USP32: variants seen among roughly 807,000 people sequenced by gnomAD.
USP32 encodes ubiquitin specific peptidase 32.
In USP32, 59 loss-of-function variants were observed where a neutral mutation model predicts 204.8. That is an observed-to-expected ratio of 0.29 (90% confidence interval 0.23 to 0.36). USP32 has a LOEUF of 0.36. Among genes scored for constraint, USP32 ranks in the 10% least tolerant of loss-of-function variants. The pLI is 1.00. For missense variants in USP32, 1,160 were observed against 1,946.4 expected, an observed-to-expected ratio of 0.60 and a Z score of 7.60; for synonymous variants, 517 against 678.4, an observed-to-expected ratio of 0.76 and a Z score of 3.70.
chr17:60,223,690 A>G (rs2085313980), intron 13 of USP32, 104 bp from the exon 14 acceptor site: 1 of 930,796 alleles, frequency 1.1e-6, no homozygotes, highest in Admixed American at 3.3e-5. Context: ...CTCTGTTGAC[A>G]TGTCAGTACA....
intron 4 of USP32, among the ~76,000 whole-genome samples, chr17:60,292,451 ACCT>A (rs1257586227): frequency 6.6e-6 from 1 of 151,996 alleles, no homozygotes; most frequent in Non-Finnish European, 1.5e-5. Context: ...CAACCCCCTA[ACCT>A]GCTTCTCCAT....
rs567726508 is a variant in USP32, at chr17:60,287,336, G to C, written c.571+1187C>G. 6.6e-5 allele frequency among the ~76,000 whole-genome samples: 10 copies of C among 152,218 alleles called. No homozygotes were observed. The South Asian group carries it at 2.1e-3, about 32-fold the overall frequency. ...ACCTACTTGTAAGCTCCCCTTTCAA[G>C]ATATCTGGCCCTTTTAGGCCAAAAC... is the stretch of plus-strand genomic sequence containing the variant. On this transcript the variant is annotated intron_variant, in intron 5 of 33. Transcript: ENST00000300896.
chr17:60,190,448 A>G lies in USP32; in HGVS notation c.3642+115T>C, dbSNP rs945002740. The G allele has an allele frequency of 5.0e-6, 7 of 1,387,834 alleles. No individual in the cohort carries two copies. In the African/African-American group the frequency reaches 7.5e-5, roughly 15 times the overall value. 86.0% of individuals were successfully genotyped at this position (1,387,834 alleles called of 1,614,324 possible). A position where few individuals can be genotyped will look rare whatever the true frequency, so the allele number is the denominator to read the frequency against. On this transcript the variant is annotated intron_variant, in intron 29 of 33. Transcript: ENST00000300896. ...ATATTAGGTGCCATAGAGGATGCCAATGAAGGTTTTTCTGGTTGTTTTTAA... is the reference window on the plus strand; with the variant it reads ...ATATTAGGTGCCATAGAGGATGCCAGTGAAGGTTTTTCTGGTTGTTTTTAA...
intron 1 of USP32, among the ~76,000 whole-genome samples, chr17:60,419,845 ATTAT>A (rs2090094431): frequency 7.0e-6 from 1 of 143,498 alleles, no homozygotes; most frequent in African/African-American, 2.5e-5. Context: ...TATTATTATT[ATTAT>A]TATTATTATT....
chr17:60,221,049 AC>A (rs910743119), intron 15 of USP32, among the ~76,000 whole-genome samples: 2 of 152,170 alleles, frequency 1.3e-5, no homozygotes, highest in African/African-American at 4.8e-5. Context: ...ATCTTCTGCA[AC>A]AGAACTTTTT....
intron 3 of USP32, among the ~76,000 whole-genome samples, chr17:60,296,821 T>C (rs1198012703): frequency 6.6e-6 from 1 of 151,914 alleles, no homozygotes. Context: ...ACATAAAAAC[T>C]AAAAAAGAAA....
chr17:60,329,840 C>T (rs1445366054), intron 2 of USP32, among the ~76,000 whole-genome samples: 2 of 152,154 alleles, frequency 1.3e-5, no homozygotes, highest in Non-Finnish European at 2.9e-5. Flanking sequence ...CCAACTCCTG[C>T]GACTCAGTCT....
intron 4 of USP32, among the ~76,000 whole-genome samples, chr17:60,289,400 C>G (rs2087211822): frequency 6.6e-6 from 1 of 152,130 alleles, no homozygotes; most frequent in Non-Finnish European, 1.5e-5. Context: ...GTTACTATAT[C>G]TTAATTAAAT....
chr17:60,271,963 C>T (rs2086734222), intron 5 of USP32, among the ~76,000 whole-genome samples: 1 of 152,104 alleles, frequency 6.6e-6, no homozygotes, highest in Admixed American at 6.6e-5. Context: ...ATGTGTACGC[C>T]ACCACATCCA....
chr17:60,300,491 C>T (rs778973604), intron 3 of USP32, among the ~76,000 whole-genome samples: 2 of 151,988 alleles, frequency 1.3e-5, no homozygotes, highest in Non-Finnish European at 2.9e-5. Context: ...AATAAGGTGC[C>T]ACTCTTTTCT....
intron 25 of USP32, among the ~76,000 whole-genome samples, chr17:60,206,409 G>A (rs995541431): frequency 6.7e-6 from 1 of 149,520 alleles, no homozygotes; most frequent in Non-Finnish European, 1.5e-5. Context: ...CACGTGACTG[G>A]TGGATACTGT....
Position 60,211,935 on chromosome 17 carries a change from A to G in USP32, c.2179+89T>C, listed in dbSNP as rs573292683. 4.2e-5 allele frequency: 50 copies of G among 1,194,704 alleles called. 2 individuals carry two copies. The South Asian group carries it at 5.6e-4, about 13-fold the overall frequency. The allele number at this position is 1,194,704 out of a possible 1,614,324, so 74.0% of individuals were successfully genotyped here. ...CTAATTACTTTTGAACTAGAAAACCAAAAGTTGTTAGCACTTTAACAGTTG... is the reference window on the plus strand; with the variant it reads ...CTAATTACTTTTGAACTAGAAAACCGAAAGTTGTTAGCACTTTAACAGTTG... On this transcript the variant is annotated intron_variant, in intron 19 of 33. Coordinates refer to ENST00000300896, the MANE Select transcript of USP32 (RefSeq NM_032582.4).
chr17:60,408,453 C>T (rs1259582454), intron 1 of USP32, among the ~76,000 whole-genome samples: 2 of 151,786 alleles, frequency 1.3e-5, no homozygotes, highest in African/African-American at 4.8e-5. Flanking sequence ...TCTTGGCTCA[C>T]TGCAAGCTCT....
intron 2 of USP32, among the ~76,000 whole-genome samples, chr17:60,311,009 G>A (rs2145917509): frequency 6.6e-6 from 1 of 152,328 alleles, no homozygotes; most frequent in South Asian, 2.1e-4. Flanking sequence ...GTAGTGGGGA[G>A]GAGGGGGGAA....
chr17:60,383,823 C>T (rs916031286), intron 1 of USP32, among the ~76,000 whole-genome samples: 6 of 152,152 alleles, frequency 3.9e-5, no homozygotes, highest in Non-Finnish European at 7.3e-5. Context: ...TAAGCAGGAA[C>T]CAAATTATTT....
intron 29 of USP32, among the ~76,000 whole-genome samples, chr17:60,190,094 G>T (rs558846338): frequency 6.6e-6 from 1 of 152,276 alleles, no homozygotes; most frequent in South Asian, 2.1e-4. Context: ...CAGTAGTTGA[G>T]TTCTCCTTCT....
chr17:60,280,342 C>A (rs7224757), intron 5 of USP32, among the ~76,000 whole-genome samples: 6,744 of 152,148 alleles, frequency 0.044, 536 homozygotes, highest in African/African-American at 0.15. Flanking sequence ...GGTAATCCAC[C>A]CACCTCAGCC....
intron 11 of USP32, among the ~76,000 whole-genome samples, chr17:60,246,481 G>C (rs1044187341): frequency 6.7e-6 from 1 of 150,122 alleles, no homozygotes; most frequent in Non-Finnish European, 1.5e-5. Flanking sequence ...CTTGGCTATT[G>C]TAAGTAGTGC....
At chr17:60,181,865 A>C (rs2084121249) in intron 31 of USP32, 117 bp from the exon 32 acceptor site, 1 of 1,444,564 alleles carries the variant, frequency 6.9e-7, no homozygotes, top group African/African-American at 1.4e-5. Context: ...AAGACAGGGC[A>C]GTCGTGACTG....
Sources: allele counts gnomAD v4.1 joint callset (sites outside exome capture counted in the v4.1 genomes callset), GRCh38; gene constraint gnomAD v4.1.1; transcripts MANE v1.5; gene names NCBI Gene and HGNC (gene_info 2026-07-23, HGNC 2026-07-21).